RSF1: variants seen among roughly 807,000 people sequenced by gnomAD.
RSF1 encodes HBV pX-associated protein 8.
Under a neutral mutation model 145.2 loss-of-function variants are expected in RSF1, and 13 were observed. That is an observed-to-expected ratio of 0.09 (90% CI 0.06 to 0.14). The LOEUF (loss-of-function observed/expected upper bound fraction) is 0.14, where lower values mean the gene tolerates loss of function less well. RSF1 is among the 10% of genes least tolerant of loss of function. The probability of loss-of-function intolerance (pLI) is 1.00; values close to 1 mark genes in which losing one functional copy is unlikely to be tolerated. For synonymous variants in RSF1, 577 were observed against 592.6 expected (o/e 0.97, Z 0.38); for missense variants, 1,517 against 1,718.2 (o/e 0.88, Z 2.07).
intron 1 of RSF1, among the ~76,000 whole-genome samples, chr11:77,787,053 G>C (rs1359725305): frequency 3.3e-5 from 5 of 152,182 alleles, no homozygotes; most frequent in Non-Finnish European, 5.9e-5. Flanking sequence ...TCAGAGAAGA[G>C]AGCTGCAGAG....
chr11:77,684,366 C>G (rs899469303), intron 10 of RSF1, among the ~76,000 whole-genome samples: 3 of 152,116 alleles, frequency 2.0e-5, no homozygotes, highest in African/African-American at 7.2e-5. Flanking sequence ...AAATGCAAAA[C>G]AAAGGTAATC....
Position 77,675,240 on chromosome 11 carries a change from C to T in RSF1, c.3358G>A (p.Val1120Ile), listed in dbSNP as rs143772626. The T allele has an allele frequency of 3.9e-5, 63 of 1,612,658 alleles. No individual in the cohort carries two copies. Among genetic ancestry groups the T allele is most frequent in the Non-Finnish European group, 4.7e-5 (56 of 1,179,702 alleles). The change falls in exon 14 of 16, where the codon GTT becomes ATT. Residue 1120 changes from valine to isoleucine, a missense_variant. Physicochemically the swap from Val to Ile is conservative, Grantham distance 29. Around this residue, in one of 12 missense-constraint regions of RSF1, gnomAD observed 231 missense variants for 276.6 expected, o/e 0.84. Coordinates refer to ENST00000308488, the MANE Select transcript of RSF1 (RefSeq NM_016578.4). ...TCATCTGGGTTTTCATCAGACACAA[C>T]AAACTCATCTTGAGATCTGTCCAAG... ...KISDGSQDEF[V>I]VSDENPDESE...
intron 1 of RSF1, among the ~76,000 whole-genome samples, chr11:77,811,542 G>C (rs932600882): frequency 6.6e-6 from 1 of 152,174 alleles, no homozygotes; most frequent in Non-Finnish European, 1.5e-5. Flanking sequence ...CAGAGCATTT[G>C]ATGCTTAAAG....
intron 5 of RSF1, among the ~76,000 whole-genome samples, chr11:77,719,064 T>C (rs910812412): frequency 1.3e-5 from 2 of 151,970 alleles, no homozygotes. Flanking sequence ...TGGGGCAACA[T>C]AGTGAGACCC....
At chr11:77,734,847 A>C in intron 4 of RSF1, 2 of 1,588,116 alleles carry the variant, frequency 1.3e-6, no homozygotes, top group East Asian at 2.2e-5. Context: ...TCTCCTCATG[A>C]GATTGGTGAA....
At position 77,675,140 on chromosome 11, in the gene RSF1, G is replaced by A; in HGVS notation, c.3458C>T (p.Ser1153Phe). ...ACGCCTGCTCTGCCTCATTGGCCGAGAGGGGTGTCGCCTCAGTCTACGGCT... is the reference window on the plus strand; with the variant it reads ...ACGCCTGCTCTGCCTCATTGGCCGAAAGGGGTGTCGCCTCAGTCTACGGCT... ...FCSRRLRRHP[S>F]RPMRQSRRLR... The change falls in exon 14 of 16, where the codon TCT (serine) becomes TTT (phenylalanine). Residue 1153 changes from serine (S) to phenylalanine (F), a missense_variant. Transcript: ENST00000308488. 1.2e-6 allele frequency: 2 copies of A among 1,614,144 alleles called. No individual in the cohort carries two copies. Among genetic ancestry groups the A allele is most frequent in the Non-Finnish European group, 1.7e-6 (2 of 1,180,034 alleles).
chr11:77,708,841 C>G (rs988987896), intron 5 of RSF1, among the ~76,000 whole-genome samples: 2 of 152,144 alleles, frequency 1.3e-5, no homozygotes, highest in Non-Finnish European at 2.9e-5. Flanking sequence ...TATTGCTAAC[C>G]TTGTTTTTTC....
chr11:77,853,135 A>G, the RSF1 span, among the ~76,000 whole-genome samples: 1 of 152,314 alleles, frequency 6.6e-6, no homozygotes, highest in East Asian at 1.9e-4. Flanking sequence ...TGGGGGTTGT[A>G]CCGTATTTTA....
At chr11:77,735,630 A>G (rs1460256428) in intron 4 of RSF1, among the ~76,000 whole-genome samples, 1 of 152,232 alleles carries the variant, frequency 6.6e-6, no homozygotes. Flanking sequence ...TTACTAGTAA[A>G]AAATAATACT....
chr11:77,726,724 CCT>C (rs1383625882), intron 4 of RSF1, among the ~76,000 whole-genome samples: 10 of 152,232 alleles, frequency 6.6e-5, no homozygotes, highest in South Asian at 2.1e-4. Flanking sequence ...TGTAAATACC[CCT>C]GATTCAAAGT....
chr11:77,860,744 G>C, the RSF1 span, among the ~76,000 whole-genome samples: 1 of 152,198 alleles, frequency 6.6e-6, no homozygotes, highest in Non-Finnish European at 1.5e-5. Context: ...AACAAGAATT[G>C]AGAGTCAGGA....
the RSF1 span, among the ~76,000 whole-genome samples, chr11:77,843,114 C>T: frequency 1.3e-5 from 2 of 152,222 alleles, no homozygotes; most frequent in South Asian, 2.1e-4. Context: ...AAGGCACCTG[C>T]ACCATTTTAC....
the RSF1 span, among the ~76,000 whole-genome samples, chr11:77,826,659 C>T: frequency 2.6e-5 from 4 of 152,130 alleles, no homozygotes; most frequent in South Asian, 4.1e-4. Context: ...ACCCAGCAAC[C>T]GAACCTTTGA....
chr11:77,737,003 A>G (rs1961369208), intron 4 of RSF1, among the ~76,000 whole-genome samples: 1 of 152,222 alleles, frequency 6.6e-6, no homozygotes. Context: ...AATAAACCAA[A>G]TGATTTCTGA....
At chr11:77,706,103 G>T (rs991604984) in intron 5 of RSF1, among the ~76,000 whole-genome samples, 1 of 151,714 alleles carries the variant, frequency 6.6e-6, no homozygotes, top group Non-Finnish European at 1.5e-5. Flanking sequence ...TAGCAGGGTG[G>T]GGTGGTGTGA....
chr11:77,774,734 C>G (rs1948324025), intron 1 of RSF1, among the ~76,000 whole-genome samples: 1 of 151,158 alleles, frequency 6.6e-6, no homozygotes, highest in African/African-American at 2.4e-5. Context: ...CAAGACCAGC[C>G]TGGCCAACAT....
chr11:77,701,269 T>C lies in RSF1; in HGVS notation c.1960A>G (p.Ser654Gly), dbSNP rs1351010922. Reference protein sequence around the residue: ...EKEVVECQSTSTVGGQSVKKV... With the variant: ...EKEVVECQSTGTVGGQSVKKV... Reference sequence around the variant, plus strand: ...TTCACAGACTGGCCACCAACAGTACTTGTACTCTGGCATTCTACCACTTCT... The same window carrying C: ...TTCACAGACTGGCCACCAACAGTACCTGTACTCTGGCATTCTACCACTTCT... The change falls in exon 6 of 16, where the codon AGT becomes GGT. Residue 654 changes from serine (S) to glycine (G), a missense_variant. Ser to Gly is a moderately conservative substitution (Grantham distance 56). Transcript: ENST00000308488. 6.2e-7 allele frequency: 1 copy of C among 1,614,176 alleles called. No homozygotes were observed. The highest frequency in any genetic ancestry group is 1.1e-5 in the South Asian group (1 of 91,086).
chr11:77,823,621 C>CAA (rs397970373), upstream of RSF1, among the ~76,000 whole-genome samples: 5,012 of 97,102 alleles, frequency 0.052, 265 homozygotes, highest in African/African-American at 0.095. Flanking sequence ...CACCCTGTCT[C>CAA]AAAAAAAAAA....
At chr11:77,704,174 A>G (rs375840848) in intron 5 of RSF1, among the ~76,000 whole-genome samples, 10 of 152,272 alleles carry the variant, frequency 6.6e-5, no homozygotes, top group African/African-American at 2.2e-4. Flanking sequence ...GTGTGCTTGT[A>G]GTTCCAGCTA....
Sources: allele counts gnomAD v4.1 joint callset (sites outside exome capture counted in the v4.1 genomes callset), GRCh38; gene constraint gnomAD v4.1.1; regional missense constraint gnomAD v4.1.1; transcripts MANE v1.5; gene names NCBI Gene and HGNC (gene_info 2026-07-23, HGNC 2026-07-21).